Variants in CACNA1A observed in about 807,000 individuals in gnomAD.
CACNA1A encodes the protein calcium voltage-gated channel subunit alpha1 A.
Under a neutral mutation model 262.4 loss-of-function variants are expected in CACNA1A, and 57 were observed. The observed-to-expected ratio is 0.22, with a 90% CI of 0.18 to 0.27. The LOEUF (loss-of-function observed/expected upper bound fraction) is 0.27. CACNA1A is among the 10% of genes least tolerant of loss of function. The pLI is 1.00. For missense variants in CACNA1A, 2,526 were observed against 3,562.8 expected, an observed-to-expected ratio of 0.71 and a Z score of 7.41; for synonymous variants, 1,431 against 1,419.3, an observed-to-expected ratio of 1.01 and a Z score of -0.18.
chr19:13,459,004 T>G (rs1411403551), intron 1 of CACNA1A, among the ~76,000 whole-genome samples: 1 of 152,104 alleles, frequency 6.6e-6, no homozygotes, highest in Admixed American at 6.6e-5. Flanking sequence ...CTGCAGCATG[T>G]TCAACAGTAT....
At position 13,285,079 on chromosome 19, in the gene CACNA1A, G is replaced by A; in HGVS notation, c.3681C>T (p.Ser1227=). 1 of 1,613,994 alleles carries A rather than the reference G, an allele frequency of 6.2e-7. No individual in the cohort carries two copies. The highest frequency in any genetic ancestry group is 1.1e-5 in the South Asian group (1 of 91,086). The change falls in exon 21 of 47, where the codon TCC becomes TCT. Residue 1227 remains serine (S), a synonymous_variant. Transcript: ENST00000360228. ...MPPYSSMFIL[S]TTNPLRRLCH... is the part of the protein sequence containing the mutation. Reference sequence around the variant, plus strand: ...GGGGCCATACTCACGGGTTGGTCGTGGACAGGATGAACATGGAGCTATAGG... The same window carrying A: ...GGGGCCATACTCACGGGTTGGTCGTAGACAGGATGAACATGGAGCTATAGG...
chr19:13,365,447 C>G lies in CACNA1A; in HGVS notation c.654G>C (p.Ser218=), dbSNP rs201991581. The G allele has an allele frequency of 3.0e-5, 49 of 1,613,738 alleles. No individual in the cohort carries two copies. In the Admixed American group the frequency reaches 6.2e-4, roughly 20 times the overall value. Reference sequence around the variant, plus strand: ...GCAAAGGGATCATCGCCTTCATGATCGACTTCAGGACGACTTGTAAACCTG... The same window carrying G: ...GCAAAGGGATCATCGCCTTCATGATGGACTTCAGGACGACTTGTAAACCTG... ...GIPSLQVVLK[S]IMKAMIPLLQ... The change falls in exon 5 of 47, where the codon TCG becomes TCC. Residue 218 remains serine, a synonymous_variant. Coordinates refer to ENST00000360228, the MANE Select transcript of CACNA1A (RefSeq NM_001127222.2).
chr19:13,332,966 G>A lies in CACNA1A; in HGVS notation c.1199-41C>T, dbSNP rs182768093. The A allele has an allele frequency of 3.1e-5, 46 of 1,500,410 alleles. 1 individual carries two copies. In the Admixed American group the frequency reaches 5.4e-4, roughly 17 times the overall value. The allele number at this position is 1,500,410 out of a possible 1,614,324, so 92.9% of individuals were successfully genotyped here. On this transcript the variant is annotated intron_variant, in intron 8 of 46. Transcript: ENST00000360228. ...ACAGAGTTAAGCTCCTGCATTTGGA[G>A]GATGAGTTCTCCCTTGGACCAGGAA...
chr19:13,363,949 A>T (rs1041064439), intron 5 of CACNA1A: 2 of 152,266 alleles, frequency 1.3e-5, no homozygotes, highest in African/African-American at 4.8e-5. Context: ...TAGAGTTTGG[A>T]TGGCAAAGAT....
chr19:13,372,825 C>G (rs1183846993), intron 3 of CACNA1A, among the ~76,000 whole-genome samples: 2 of 152,190 alleles, frequency 1.3e-5, no homozygotes, highest in Admixed American at 6.5e-5. Context: ...CTACAGACCC[C>G]AAGCCTCTGG....
chr19:13,334,546 CGTTTGTGTGT>C (rs1225716956), intron 7 of CACNA1A, 53 bp from the exon 8 acceptor site: 1 of 834,836 alleles, frequency 1.2e-6, no homozygotes, highest in Non-Finnish European at 2.0e-6. Context: ...TGTTAGGAAA[CGTTTGTGTGT>C]GTGTTTGTGT....
chr19:13,490,799 A>T (rs776811735), intron 1 of CACNA1A, among the ~76,000 whole-genome samples: 1 of 150,578 alleles, frequency 6.6e-6, no homozygotes, highest in Non-Finnish European at 1.5e-5. Flanking sequence ...GGAAAGAGAA[A>T]GGAAAAAGGA....
At chr19:13,488,390 C>CTTTTTTTTTTT (rs34348281) in intron 1 of CACNA1A, among the ~76,000 whole-genome samples, 21 of 77,634 alleles carry the variant, frequency 2.7e-4, no homozygotes, top group East Asian at 4.1e-4. Context: ...TTTTTCTTTT[C>CTTTTTTTTTTT]TTTTTTTTTT....
At chr19:13,372,815 C>A (rs2059347710) in intron 3 of CACNA1A, among the ~76,000 whole-genome samples, 1 of 152,200 alleles carries the variant, frequency 6.6e-6, no homozygotes, top group African/African-American at 2.4e-5. Context: ...TAGAAGGCAG[C>A]TACAGACCCC....
chr19:13,286,472 T>C (rs574043797), intron 20 of CACNA1A, 31 bp downstream of exon 20: 1 of 1,104,012 alleles, frequency 9.1e-7, no homozygotes, highest in East Asian at 2.8e-5. Context: ...CCAGGTCCCC[T>C]GCCCAGTGAT....
Position 13,236,841 on chromosome 19 carries a change from T to A in CACNA1A, c.4951-1111A>T, listed in dbSNP as rs1453249615. 6.6e-6 allele frequency among the ~76,000 whole-genome samples: 1 copy of A among 151,600 alleles called. No homozygotes were observed. The highest frequency in any genetic ancestry group is 1.5e-5 in the Non-Finnish European group (1 of 67,876). On this transcript the variant is annotated intron_variant, in intron 31 of 46. Transcript: ENST00000360228. This position sits in a 1 kb window ranked among gnomAD's most constrained non-coding sequence, Gnocchi z 4.6. Reference sequence around the variant, plus strand: ...ACCAGGGGGCCAGAGAGTTGGAGAGTCAGGGAGGAGACCAGCTAGAGTTAA... The same window carrying A: ...ACCAGGGGGCCAGAGAGTTGGAGAGACAGGGAGGAGACCAGCTAGAGTTAA...
At chr19:13,337,602 T>TGG (rs538648404) in intron 6 of CACNA1A, among the ~76,000 whole-genome samples, 170 of 152,286 alleles carry the variant, frequency 1.1e-3, no homozygotes, top group African/African-American at 4.1e-3. Context: ...TCTGAGGTAC[T>TGG]GGGGGTTAGG....
At chr19:13,371,200 T>A (rs1213323168) in intron 4 of CACNA1A, 1 of 152,914 alleles carries the variant, frequency 6.5e-6, no homozygotes, top group Non-Finnish European at 1.5e-5. Flanking sequence ...TCATGTAAAG[T>A]CCTTCTGTAG....
chr19:13,389,302 C>T lies in CACNA1A; in HGVS notation c.540-17523G>A, dbSNP rs946814073. 3.3e-5 allele frequency among the ~76,000 whole-genome samples: 5 copies of T among 152,194 alleles called. No homozygotes were observed. In the East Asian group the frequency reaches 7.7e-4, roughly 23 times the overall value. On this transcript the variant is annotated intron_variant, in intron 3 of 46. Coordinates refer to ENST00000360228, the MANE Select transcript of CACNA1A (RefSeq NM_001127222.2). Reference sequence around the variant, plus strand: ...GCTCCATGGGTGCCGCTGTCACATGCCGCCTCCTGGTCTCCAGGAGGGACA... The same window carrying T: ...GCTCCATGGGTGCCGCTGTCACATGTCGCCTCCTGGTCTCCAGGAGGGACA...
chr19:13,245,887 G>A (rs575372261), intron 30 of CACNA1A, among the ~76,000 whole-genome samples: 3 of 152,078 alleles, frequency 2.0e-5, no homozygotes, highest in Non-Finnish European at 2.9e-5. Context: ...GGTCAGGCTG[G>A]TCTCGAACTT....
At chr19:13,413,314 G>C (rs373510711) in intron 3 of CACNA1A, among the ~76,000 whole-genome samples, 2 of 151,272 alleles carry the variant, frequency 1.3e-5, no homozygotes, top group Admixed American at 6.6e-5. Context: ...CACTGTGTTA[G>C]CCAGGATGGT....
At chr19:13,435,123 T>C (rs2060586056) in intron 3 of CACNA1A, among the ~76,000 whole-genome samples, 1 of 148,544 alleles carries the variant, frequency 6.7e-6, no homozygotes, top group Non-Finnish European at 1.5e-5. Flanking sequence ...TAAAAATAAT[T>C]TGTTTTTTGA....
At chr19:13,472,497 G>A (rs1046058288) in intron 1 of CACNA1A, among the ~76,000 whole-genome samples, 1 of 152,098 alleles carries the variant, frequency 6.6e-6, no homozygotes, top group South Asian at 2.1e-4. Context: ...AACTTCTTGG[G>A]TGTCTTCCCA....
chr19:13,468,216 G>C (rs2061289518), intron 1 of CACNA1A, among the ~76,000 whole-genome samples: 1 of 151,974 alleles, frequency 6.6e-6, no homozygotes, highest in Admixed American at 6.6e-5. Context: ...AGAGAGTGAG[G>C]AGTGAGGATG....
Sources: allele counts gnomAD v4.1 joint callset (sites outside exome capture counted in the v4.1 genomes callset), GRCh38; gene constraint gnomAD v4.1.1; non-coding constraint Gnocchi (gnomAD v3.1); transcripts MANE v1.5; gene names NCBI Gene and HGNC (gene_info 2026-07-23, HGNC 2026-07-21).